Variants in FAAH2 observed in about 807,000 individuals in gnomAD.
FAAH2 encodes fatty acid amide hydrolase 2, also known as fatty-acid amide hydrolase 2.
Under a neutral mutation model 36.9 loss-of-function variants are expected in FAAH2, and 60 were observed. The ratio of observed to expected loss-of-function variants is 1.63; its 90% CI spans 1.32 to 2.02. The LOEUF (loss-of-function observed/expected upper bound fraction) is 2.02, where lower values mean the gene tolerates loss of function less well. Ranked by LOEUF, FAAH2 falls within the 30% of genes most tolerant of loss-of-function variation. FAAH2 has a pLI of 0.00. For synonymous variants in FAAH2, 214 were observed against 143.8 expected (o/e 1.49, Z -3.49); for missense variants, 689 against 397.5 (o/e 1.73, Z -6.23).
chrX:57,279,191 T>C, the FAAH2 span, among the ~76,000 whole-genome samples: 1 of 112,425 alleles, frequency 8.9e-6, no homozygotes, highest in Non-Finnish European at 1.9e-5. Flanking sequence ...TAGCAAAGAC[T>C]TGGAACCAAC....
the FAAH2 span, among the ~76,000 whole-genome samples, chrX:57,192,015 A>G: frequency 1.8e-5 from 2 of 111,746 alleles, no homozygotes; most frequent in Admixed American, 1.9e-4. Context: ...GAAGAATGTC[A>G]TTGTTATTTT....
At chrX:57,393,820 C>T (rs762659163) in intron 7 of FAAH2, 1 of 868,921 alleles carries the variant, frequency 1.2e-6, no homozygotes, top group East Asian at 3.1e-5. Context: ...TCGTGATCTT[C>T]CTCAGGAATC....
the FAAH2 span, among the ~76,000 whole-genome samples, chrX:57,225,403 G>A: frequency 1.8e-5 from 2 of 111,989 alleles, no homozygotes; most frequent in East Asian, 5.6e-4. Context: ...TTGGCCCAAT[G>A]CTCATTCAGG....
chrX:57,427,041 T>C (rs1245002021), intron 7 of FAAH2, among the ~76,000 whole-genome samples: 2 of 110,472 alleles, frequency 1.8e-5, no homozygotes, highest in Non-Finnish European at 3.8e-5. Context: ...TAAACACAAT[T>C]GGAAATGAAA....
At chrX:57,460,928 A>G (rs1407577926) in intron 10 of FAAH2, among the ~76,000 whole-genome samples, 1 of 111,691 alleles carries the variant, frequency 9.0e-6, no homozygotes, top group East Asian at 2.8e-4. Context: ...AAAGACGCAC[A>G]TAGGCTCAAA....
chrX:57,442,511 G>A (rs182944559), intron 8 of FAAH2, among the ~76,000 whole-genome samples: 100 of 111,029 alleles, frequency 9.0e-4, no homozygotes, highest in African/African-American at 3.0e-3. Context: ...GTCTCTGCAT[G>A]TGATATGGGT....
the FAAH2 span, among the ~76,000 whole-genome samples, chrX:57,274,579 T>A: frequency 8.9e-6 from 1 of 112,042 alleles, no homozygotes; most frequent in African/African-American, 3.2e-5. Flanking sequence ...GCTTCATACC[T>A]GGGATGCAGA....
chrX:57,320,378 C>G (rs1479955243), intron 3 of FAAH2, among the ~76,000 whole-genome samples: 1 of 112,004 alleles, frequency 8.9e-6, no homozygotes, highest in African/African-American at 3.2e-5. Flanking sequence ...AGACACTTCT[C>G]AAAAGAAGAC....
Position 57,353,006 on chromosome X carries a change from T to C in FAAH2, c.742+11616T>C, listed in dbSNP as rs1427507487. 2.7e-5 allele frequency among the ~76,000 whole-genome samples: 3 copies of C among 111,010 alleles called. No individual in the cohort carries two copies. In the East Asian group the frequency reaches 8.4e-4, roughly 31 times the overall value. On this transcript the variant is annotated intron_variant, in intron 5 of 10. Transcript: ENST00000374900. ...TATGCTCATACGTCAGAAGAATTAA[T>C]ATCATTAAAATGACCATATTACACA...
intron 10 of FAAH2, among the ~76,000 whole-genome samples, chrX:57,469,760 C>A (rs1480907071): frequency 5.4e-5 from 6 of 111,797 alleles, no homozygotes; most frequent in Non-Finnish European, 1.1e-4. Flanking sequence ...TAATAGACAT[C>A]CACAGAAGTC....
At chrX:57,350,599 C>A (rs928168099) in intron 5 of FAAH2, among the ~76,000 whole-genome samples, 1 of 110,764 alleles carries the variant, frequency 9.0e-6, no homozygotes, top group African/African-American at 3.3e-5. Context: ...TAACCAAATT[C>A]TTCTTACAAG....
At chrX:57,221,214 A>G in the FAAH2 span, among the ~76,000 whole-genome samples, 1 of 110,752 alleles carries the variant, frequency 9.0e-6, no homozygotes, top group Admixed American at 9.6e-5. Context: ...ATATCTTTCC[A>G]AAACTCCACA....
chrX:57,360,637 T>C (rs1206063185), intron 5 of FAAH2, among the ~76,000 whole-genome samples: 2 of 111,560 alleles, frequency 1.8e-5, no homozygotes, highest in Non-Finnish European at 3.8e-5. Context: ...CATAAACCCT[T>C]TTTAAAAATT....
intron 10 of FAAH2, among the ~76,000 whole-genome samples, chrX:57,484,842 G>A (rs1045129738): frequency 5.2e-4 from 58 of 110,984 alleles, no homozygotes; most frequent in African/African-American, 1.9e-3. Context: ...ATGGCCAATT[G>A]GATGACATTT....
the FAAH2 span, among the ~76,000 whole-genome samples, chrX:57,148,483 T>C: frequency 3.6e-5 from 4 of 111,022 alleles, no homozygotes; most frequent in South Asian, 1.5e-3. Context: ...TTCACATCCC[T>C]TGTAAGTTGG....
chrX:57,424,703 T>C (rs1363249630), intron 7 of FAAH2, among the ~76,000 whole-genome samples: 1 of 112,075 alleles, frequency 8.9e-6, no homozygotes, highest in Non-Finnish European at 1.9e-5. Flanking sequence ...ACAAACATTA[T>C]AGTCATATCT....
chrX:57,316,653 G>T (rs931035355), intron 3 of FAAH2, among the ~76,000 whole-genome samples: 5 of 110,845 alleles, frequency 4.5e-5, no homozygotes, highest in Non-Finnish European at 9.5e-5. Context: ...CATGGTGCTG[G>T]GATAACTCAC....
At chrX:57,404,395 T>G (rs2055515678) in intron 7 of FAAH2, among the ~76,000 whole-genome samples, 1 of 112,325 alleles carries the variant, frequency 8.9e-6, no homozygotes, top group African/African-American at 3.2e-5. Flanking sequence ...CATTTGCCAC[T>G]ATATGAATAT....
chrX:57,202,838 C>T, the FAAH2 span, among the ~76,000 whole-genome samples: 2 of 111,796 alleles, frequency 1.8e-5, no homozygotes, highest in Non-Finnish European at 3.8e-5. Context: ...GCTGGGCTGG[C>T]ACTCAAACCA....
Sources: gnomAD v4.1 joint callset for allele counts (sites outside exome capture counted in the v4.1 genomes callset) on GRCh38, gnomAD v4.1.1 for gene constraint, MANE v1.5 for transcripts, NCBI Gene and HGNC (gene_info 2026-07-23, HGNC 2026-07-21) for gene names.